Variants in FAAH2 observed in about 807,000 individuals in gnomAD.
FAAH2 encodes fatty-acid amide hydrolase 2.
In FAAH2, 60 loss-of-function variants were observed where a neutral mutation model predicts 36.9. The observed-to-expected ratio is 1.63, with a 90% CI of 1.32 to 2.02. The LOEUF is 2.02. Ranked by LOEUF, FAAH2 falls within the 30% of genes most tolerant of loss-of-function variation. The pLI, the probability that FAAH2 is intolerant of heterozygous loss-of-function variation, is 0.00. For synonymous variants in FAAH2, 214 were observed against 143.8 expected, an observed-to-expected ratio of 1.49 and a Z score of -3.49; for missense variants, 689 against 397.5, an observed-to-expected ratio of 1.73 and a Z score of -6.23.
chrX:57,466,146 C>CTATA (rs1223504176), intron 10 of FAAH2, among the ~76,000 whole-genome samples: 3 of 79,788 alleles, frequency 3.8e-5, no homozygotes, highest in African/African-American at 1.7e-4. Flanking sequence ...CTCTCTCTCT[C>CTATA]TCTCTCTCTC....
chrX:57,201,055 T>TC, the FAAH2 span, among the ~76,000 whole-genome samples: 1 of 106,838 alleles, frequency 9.4e-6, no homozygotes, highest in African/African-American at 3.5e-5. Context: ...GGGTAAAAGT[T>TC]TTTTTTTTTT....
At chrX:57,203,160 C>T in the FAAH2 span, among the ~76,000 whole-genome samples, 3 of 111,772 alleles carry the variant, frequency 2.7e-5, no homozygotes, top group African/African-American at 9.8e-5. Flanking sequence ...AGAGATTTAC[C>T]CACATATTTA....
At chrX:57,255,014 A>T in the FAAH2 span, among the ~76,000 whole-genome samples, 2 of 111,641 alleles carry the variant, frequency 1.8e-5, no homozygotes, top group Non-Finnish European at 3.8e-5. Context: ...AACAAAATTG[A>T]TAGACCACTA....
chrX:57,121,726 C>G, the FAAH2 span: 2 of 112,053 alleles, frequency 1.8e-5, no homozygotes, highest in Admixed American at 9.3e-5. Context: ...CAGTCGTCCT[C>G]GGAACCCTGT....
rs140283126 is a variant in FAAH2, at chrX:57,320,100, G to A, written c.412+9371G>A. Among the ~76,000 whole-genome samples the A allele has an allele frequency of 5.8e-3, 644 of 111,919 alleles. 4 individuals are homozygous for A. The highest frequency in any genetic ancestry group is 0.019 in the Middle Eastern group (4 of 215). On this transcript the variant is annotated intron_variant, in intron 3 of 10. Transcript: ENST00000374900. ...CCTAGGCAATACCATTCAGGACATA[G>A]GCATGGGTAAATAATTCATGACTAA...
At chrX:57,283,248 G>A (rs944390692), upstream of FAAH2, among the ~76,000 whole-genome samples, 3 of 109,684 alleles carry the variant, frequency 2.7e-5, no homozygotes, top group African/African-American at 1.0e-4. Context: ...GCAGTGGCAG[G>A]GGCAGAAAGG....
At chrX:57,476,988 G>T (rs748131609) in intron 10 of FAAH2, among the ~76,000 whole-genome samples, 1 of 111,197 alleles carries the variant, frequency 9.0e-6, no homozygotes, top group African/African-American at 3.3e-5. Context: ...TATTTGCATA[G>T]AGGTGTTTAC....
chrX:57,331,575 A>T, intron 3 of FAAH2, 23 bp from the exon 4 acceptor site: 1 of 1,179,498 alleles, frequency 8.5e-7, no homozygotes, highest in Non-Finnish European at 1.1e-6. Flanking sequence ...ATTTTTAAAC[A>T]TTCTTTTCTG....
At chrX:57,394,830 A>G (rs2055254491) in intron 7 of FAAH2, 1 of 1,102,039 alleles carries the variant, frequency 9.1e-7, no homozygotes, top group Non-Finnish European at 1.3e-6. Context: ...GCAGTCTTGG[A>G]GTGGCAGGTG....
chrX:57,374,188 G>A (rs2054614981), intron 5 of FAAH2, among the ~76,000 whole-genome samples: 1 of 111,324 alleles, frequency 9.0e-6, no homozygotes, highest in Non-Finnish European at 1.9e-5. Context: ...GCTTTGCTTT[G>A]GCTATGCAGA....
At chrX:57,324,316 A>G (rs1395371409) in intron 3 of FAAH2, among the ~76,000 whole-genome samples, 1 of 111,742 alleles carries the variant, frequency 8.9e-6, no homozygotes, top group African/African-American at 3.3e-5. Context: ...TTGATTTGGC[A>G]ATGCGGGCTC....
intron 7 of FAAH2, among the ~76,000 whole-genome samples, chrX:57,423,817 G>A (rs181671093): frequency 9.0e-6 from 1 of 111,016 alleles, no homozygotes; most frequent in Non-Finnish European, 1.9e-5. Context: ...CACGCCCCCA[G>A]GGAGCTCTAT....
chrX:57,306,994 G>GATATATATATATATGTATAT (rs770040896), intron 2 of FAAH2, among the ~76,000 whole-genome samples: 1 of 31,023 alleles, frequency 3.2e-5, no homozygotes, highest in Non-Finnish European at 7.3e-5. Flanking sequence ...CACACACACA[G>GATATATATATATATGTATAT]ATACATATAT....
rs757597723 is a variant in FAAH2, at chrX:57,323,088, G to T, written c.413-8510G>T. 1.5e-4 allele frequency among the ~76,000 whole-genome samples: 17 copies of T among 110,813 alleles called. No homozygotes were observed. The South Asian group carries it at 6.2e-3, about 41-fold the overall frequency. On this transcript the variant is annotated intron_variant, in intron 3 of 10. Coordinates refer to ENST00000374900, the MANE Select transcript of FAAH2 (RefSeq NM_174912.4). ...TATGAGTAAGAACATGCGGTGTTTG[G>T]TTTTTTGTCTTTGCAACAGTTTGCT... is the stretch of plus-strand genomic sequence containing the variant.
At chrX:57,384,220 C>T (rs1473617922) in intron 7 of FAAH2, among the ~76,000 whole-genome samples, 1 of 107,323 alleles carries the variant, frequency 9.3e-6, no homozygotes, top group Non-Finnish European at 1.9e-5. Flanking sequence ...CCATAAAAAC[C>T]CTAGAAGAAA....
At chrX:57,482,346 C>T (rs976060861) in intron 10 of FAAH2, among the ~76,000 whole-genome samples, 1 of 111,744 alleles carries the variant, frequency 8.9e-6, no homozygotes, top group African/African-American at 3.2e-5. Flanking sequence ...AAAACAGCCA[C>T]CCAGTTTTGT....
chrX:57,172,581 G>A, the FAAH2 span, among the ~76,000 whole-genome samples: 1 of 112,422 alleles, frequency 8.9e-6, no homozygotes, highest in Non-Finnish European at 1.9e-5. Flanking sequence ...TGTAACCCGG[G>A]GTTCTTGCCT....
At chrX:57,158,695 GT>G in the FAAH2 span, among the ~76,000 whole-genome samples, 5 of 111,787 alleles carry the variant, frequency 4.5e-5, no homozygotes, top group East Asian at 1.4e-3. Context: ...TGATGGGGTT[GT>G]TTTTTTCTTG....
chrX:57,125,319 A>C, the FAAH2 span, among the ~76,000 whole-genome samples: 2 of 112,311 alleles, frequency 1.8e-5, no homozygotes, highest in African/African-American at 6.5e-5. Flanking sequence ...ATTGATTTGC[A>C]TATGTTGAAC....
Sources: allele counts gnomAD v4.1 joint callset (sites outside exome capture counted in the v4.1 genomes callset), GRCh38; gene constraint gnomAD v4.1.1; transcripts MANE v1.5; gene names NCBI Gene and HGNC (gene_info 2026-07-23, HGNC 2026-07-21).